The following RAI14 variants were observed in gnomAD, a reference collection of about 807,000 sequenced individuals.
The protein encoded by RAI14 is ankycorbin.
Under a neutral mutation model 115.4 loss-of-function variants are expected in RAI14, and 45 were observed. The observed-to-expected ratio is 0.39, with a 90% CI of 0.31 to 0.50. RAI14 has a LOEUF of 0.50. Ranked by LOEUF, RAI14 falls within the 20% of genes least tolerant of loss-of-function variation. RAI14 has a pLI of 0.85. For synonymous variants in RAI14, 371 were observed against 415.4 expected, an observed-to-expected ratio of 0.89 and a Z score of 1.30; for missense variants, 939 against 1,131.2, an observed-to-expected ratio of 0.83 and a Z score of 2.44.
At chr5:34,770,370 A>G (rs990686510) in intron 3 of RAI14, among the ~76,000 whole-genome samples, 1 of 152,220 alleles carries the variant, frequency 6.6e-6, no homozygotes, top group African/African-American at 2.4e-5. Context: ...AGTTCAGGCT[A>G]AAAAAGCAAA....
chr5:34,685,605 A>T (rs1158059280), intron 1 of RAI14: 1 of 150,854 alleles, frequency 6.6e-6, no homozygotes, highest in Non-Finnish European at 1.5e-5. Flanking sequence ...CAGTGAAAAC[A>T]TTCAGCCACT....
At chr5:34,668,498 G>C (rs1436974849) in intron 1 of RAI14, among the ~76,000 whole-genome samples, 1 of 151,800 alleles carries the variant, frequency 6.6e-6, no homozygotes, top group Non-Finnish European at 1.5e-5. Flanking sequence ...TCATCTTTCT[G>C]TCTCCAAGCA....
At chr5:34,764,064 T>G (rs1749028260) in intron 3 of RAI14, among the ~76,000 whole-genome samples, 1 of 152,192 alleles carries the variant, frequency 6.6e-6, no homozygotes, top group Admixed American at 6.5e-5. Flanking sequence ...TTGCCCAGGC[T>G]GGTCTCGAGC....
chr5:34,747,950 T>C (rs1286044592), intron 2 of RAI14, among the ~76,000 whole-genome samples: 1 of 152,086 alleles, frequency 6.6e-6, no homozygotes. Context: ...ACTATTTAAT[T>C]ACAACCATGC....
chr5:34,809,017 T>G (rs922509343), intron 7 of RAI14, among the ~76,000 whole-genome samples: 2 of 152,204 alleles, frequency 1.3e-5, no homozygotes, highest in African/African-American at 4.8e-5. Context: ...CACAGACTGG[T>G]ACTGATCTGC....
At chr5:34,757,234 C>G in intron 2 of RAI14, 1 of 574,248 alleles carries the variant, frequency 1.7e-6, no homozygotes, top group South Asian at 1.5e-5. Flanking sequence ...AATTTTATCT[C>G]AGAGTTTGGT....
At chr5:34,681,856 C>CT (rs553263716) in intron 1 of RAI14, among the ~76,000 whole-genome samples, 249 of 122,140 alleles carry the variant, frequency 2.0e-3, no homozygotes, top group South Asian at 4.1e-3. Context: ...TTCTTTCTTT[C>CT]TTTTTTTTTT....
intron 2 of RAI14, among the ~76,000 whole-genome samples, chr5:34,731,954 G>A (rs754346821): frequency 1.3e-5 from 2 of 152,200 alleles, no homozygotes; most frequent in African/African-American, 2.4e-5. Context: ...CCAGGAGCTC[G>A]GTGGAGTGGA....
chr5:34,743,847 A>G (rs1201549316), intron 2 of RAI14, among the ~76,000 whole-genome samples: 1 of 152,134 alleles, frequency 6.6e-6, no homozygotes, highest in Non-Finnish European at 1.5e-5. Flanking sequence ...CTCACGTAGA[A>G]TTTATAACTT....
chr5:34,755,767 G>A (rs540589143), intron 2 of RAI14, among the ~76,000 whole-genome samples: 2 of 152,296 alleles, frequency 1.3e-5, no homozygotes, highest in South Asian at 2.1e-4. Context: ...TTTCCATGAC[G>A]GCAGACAGTC....
intron 13 of RAI14, among the ~76,000 whole-genome samples, chr5:34,820,651 C>T (rs1463310625): frequency 6.6e-6 from 1 of 152,174 alleles, no homozygotes; most frequent in East Asian, 1.9e-4. Flanking sequence ...CAGAAATTCA[C>T]ACAGTTACTT....
At position 34,729,982 on chromosome 5, in the gene RAI14, A is replaced by G. The variant is rs1053889327; in HGVS notation, c.37-27486A>G. On this transcript the variant is annotated intron_variant, in intron 2 of 17. Coordinates refer to ENST00000265109, the MANE Select transcript of RAI14 (RefSeq NM_015577.3). ...AAAAGTTCTCATTGTTTAGAGACAC[A>G]TACTGAAATATTTATTGATGCTGTG... 5.3e-5 allele frequency among the ~76,000 whole-genome samples: 8 copies of G among 152,322 alleles called. No individual in the cohort carries two copies. The East Asian group carries it at 1.5e-3, about 29-fold the overall frequency.
At chr5:34,825,911 C>A (rs1757391027) in intron 15 of RAI14, 1 of 152,626 alleles carries the variant, frequency 6.6e-6, no homozygotes, top group Non-Finnish European at 1.5e-5. Flanking sequence ...CCAGAGATAT[C>A]AGGCTTCCTA....
At chr5:34,727,615 C>G (rs1325869236) in intron 2 of RAI14, among the ~76,000 whole-genome samples, 1 of 152,150 alleles carries the variant, frequency 6.6e-6, no homozygotes, top group Non-Finnish European at 1.5e-5. Flanking sequence ...GTCCTGCATA[C>G]CACCTGCTCC....
intron 4 of RAI14, among the ~76,000 whole-genome samples, chr5:34,801,491 C>A (rs1185887556): frequency 8.1e-6 from 1 of 123,710 alleles, no homozygotes; most frequent in East Asian, 2.3e-4. Context: ...TGCCTGTAAT[C>A]CACACTTTGG....
chr5:34,822,414 A>G (rs1167211732), intron 14 of RAI14, among the ~76,000 whole-genome samples: 2 of 151,220 alleles, frequency 1.3e-5, no homozygotes, highest in Admixed American at 6.6e-5. Flanking sequence ...GATATAAGAA[A>G]TAAAGGAAAT....
At chr5:34,826,540 T>C (rs1757472227) in intron 16 of RAI14, 61 bp downstream of exon 16, 1 of 1,564,994 alleles carries the variant, frequency 6.4e-7, no homozygotes, top group Non-Finnish European at 8.7e-7. Flanking sequence ...TTTCCTACCA[T>C]CTCAGCTGCT....
At chr5:34,794,916 C>G (rs1396366451) in intron 3 of RAI14, among the ~76,000 whole-genome samples, 2 of 152,100 alleles carry the variant, frequency 1.3e-5, no homozygotes, top group East Asian at 3.9e-4. Context: ...GGCATTAATT[C>G]AGAGGTACAG....
At chr5:34,691,748 A>G (rs1334677618) in intron 2 of RAI14, among the ~76,000 whole-genome samples, 1 of 152,196 alleles carries the variant, frequency 6.6e-6, no homozygotes, top group East Asian at 1.9e-4. Context: ...TCCCAATTAT[A>G]TATTTCATTG....
Sources: allele counts gnomAD v4.1 joint callset (sites outside exome capture counted in the v4.1 genomes callset), GRCh38; gene constraint gnomAD v4.1.1; transcripts MANE v1.5; gene names NCBI Gene and HGNC (gene_info 2026-07-23, HGNC 2026-07-21).